TMEM255B: variants seen among roughly 807,000 people sequenced by gnomAD.
TMEM255B encodes the protein transmembrane protein 255B.
Under a neutral mutation model 34.5 loss-of-function variants are expected in TMEM255B, and 35 were observed. The observed-to-expected ratio is 1.01, with a 90% confidence interval of 0.77 to 1.34. The LOEUF is 1.34. Among genes scored for constraint, TMEM255B ranks in the 40% most tolerant of loss-of-function variants. The pLI, the probability that TMEM255B is intolerant of heterozygous loss-of-function variation, is 0.00. For synonymous variants in TMEM255B, 206 were observed against 201.2 expected, an observed-to-expected ratio of 1.02 and a Z score of -0.20; for missense variants, 432 against 433.2, an observed-to-expected ratio of 1.00 and a Z score of 0.02.
At chr13:113,790,310 A>G (rs368181702) in intron 3 of TMEM255B, among the ~76,000 whole-genome samples, 2 of 110,710 alleles carry the variant, frequency 1.8e-5, no homozygotes, top group Non-Finnish European at 2.0e-5. Flanking sequence ...GACTGGACAC[A>G]TGGACATCCT....
chr13:113,795,217 G>A lies in TMEM255B; in HGVS notation c.322G>A (p.Val108Ile), dbSNP rs200027220. ...CTTCTGCTGCGCCATCGTGGACGGCGTATTTGCAGCACAGCACATTGTGAG... is the reference window on the plus strand; with the variant it reads ...CTTCTGCTGCGCCATCGTGGACGGCATATTTGCAGCACAGCACATTGTGAG... The part of the protein sequence containing the change: ...AAFCCAIVDG[V>I]FAAQHIEPRP... Residue 108 changes from valine to isoleucine, a missense_variant, in exon 4 of 9, where the codon GTA becomes ATA. Transcript: ENST00000375353. 8.3e-5 allele frequency: 134 copies of A among 1,613,756 alleles called. No homozygotes were observed. In the East Asian group the frequency reaches 8.7e-4, roughly 10 times the overall value.
In TMEM255B at chr13:113,804,904, C is replaced by G. The variant is rs143843377; in HGVS notation, c.689C>G (p.Ala230Gly). 2.0e-3 allele frequency: 3,266 copies of G among 1,601,158 alleles called. 9 individuals are homozygous for G. The highest frequency in any genetic ancestry group is 2.5e-3 in the Non-Finnish European group (2,989 of 1,178,592). The change falls in exon 8 of 9, where the codon GCC (alanine) becomes GGC (glycine). Residue 230 changes from alanine (A) to glycine (G), a missense_variant. Coordinates refer to ENST00000375353, the MANE Select transcript of TMEM255B (RefSeq NM_182614.4). ...FKDMVPLSQLAYGPAVPPQTL... is the reference protein window; with the variant it reads ...FKDMVPLSQLGYGPAVPPQTL... ...TGGCAGGTGCCTCTGTCCCAGCTGGCCTATGGCCCAGCCGTCCCACCACAG... is the reference window on the plus strand; with the variant it reads ...TGGCAGGTGCCTCTGTCCCAGCTGGGCTATGGCCCAGCCGTCCCACCACAG...
chr13:113,777,505 G>A (rs2050598514), intron 3 of TMEM255B, among the ~76,000 whole-genome samples: 1 of 152,172 alleles, frequency 6.6e-6, no homozygotes, highest in South Asian at 2.1e-4. Flanking sequence ...GAGGGGAGGC[G>A]CGGTGGCCCC....
At chr13:113,807,098 G>A (rs886916101) in intron 8 of TMEM255B, among the ~76,000 whole-genome samples, 9 of 152,178 alleles carry the variant, frequency 5.9e-5, no homozygotes, top group African/African-American at 1.9e-4. Context: ...GCTGGGGCCC[G>A]GCTGTCTGAA....
intron 8 of TMEM255B, among the ~76,000 whole-genome samples, chr13:113,807,646 G>T (rs567425998): frequency 1.5e-5 from 2 of 136,386 alleles, no homozygotes; most frequent in African/African-American, 2.9e-5. Flanking sequence ...CCTGTCACAC[G>T]CAGGCTTACG....
chr13:113,804,156 A>T (rs1201106968), intron 7 of TMEM255B, among the ~76,000 whole-genome samples: 1 of 152,142 alleles, frequency 6.6e-6, no homozygotes, highest in Non-Finnish European at 1.5e-5. Context: ...AGCTTGTGTG[A>T]GCCATGGGCC....
chr13:113,804,456 A>C (rs1046328076), intron 7 of TMEM255B, among the ~76,000 whole-genome samples: 10 of 152,046 alleles, frequency 6.6e-5, no homozygotes, highest in East Asian at 1.9e-4. Flanking sequence ...CTCCCCCCCC[A>C]AAAAATCAAA....
Position 113,806,921 on chromosome 13 carries a change from C to T in TMEM255B, c.813+1893C>T, listed in dbSNP as rs963666757. Among the ~76,000 whole-genome samples, 6 of 152,182 alleles carry T rather than the reference C, an allele frequency of 3.9e-5. No homozygotes were observed. The highest frequency in any genetic ancestry group is 9.7e-5 in the African/African-American group (4 of 41,436). ...CTACACAGACACAGACTTGGAATCG[C>T]ATGGGTGCCAAGAACGTGCAGCCCA... On this transcript the variant is annotated intron_variant, in intron 8 of 8. Coordinates refer to ENST00000375353, the MANE Select transcript of TMEM255B (RefSeq NM_182614.4). The surrounding 1 kb of genome is among the most constrained non-coding windows in gnomAD (Gnocchi z 4.2).
intron 1 of TMEM255B, among the ~76,000 whole-genome samples, chr13:113,765,044 T>G (rs2050366579): frequency 6.6e-6 from 1 of 151,898 alleles, no homozygotes. Flanking sequence ...GCGAATGGAG[T>G]GATCTGGTCC....
At chr13:113,773,000 T>C (rs2050502198) in intron 3 of TMEM255B, among the ~76,000 whole-genome samples, 2 of 152,228 alleles carry the variant, frequency 1.3e-5, no homozygotes, top group South Asian at 4.1e-4. Context: ...AGTGTTACCA[T>C]CTTAATATTA....
intron 3 of TMEM255B, among the ~76,000 whole-genome samples, chr13:113,784,033 T>G (rs1264641759): frequency 6.6e-6 from 1 of 152,144 alleles, no homozygotes; most frequent in Non-Finnish European, 1.5e-5. Flanking sequence ...ATGCTGTTTT[T>G]GGGCCATTGG....
At chr13:113,768,970 G>T in intron 2 of TMEM255B, 128 bp from the exon 3 acceptor site, 4 of 985,084 alleles carry the variant, frequency 4.1e-6, no homozygotes, top group Non-Finnish European at 6.4e-6. Context: ...GGTTCTTGAG[G>T]TAGGGATGTC....
rs567568332 is a variant in TMEM255B, at chr13:113,770,868, A to G, written c.252+1708A>G. On this transcript the variant is annotated intron_variant, in intron 3 of 8. Transcript: ENST00000375353. This position sits in a 1 kb window ranked among gnomAD's most constrained non-coding sequence, Gnocchi z 4.6. ...GGGAGTTGGGTGGGCCTGAGGAGGG[A>G]AGGCCTCCTGAAGACTTTTCCATAA... 6.6e-6 allele frequency among the ~76,000 whole-genome samples: 1 copy of G among 152,130 alleles called. No individual in the cohort carries two copies. The highest frequency in any genetic ancestry group is 1.5e-5 in the Non-Finnish European group (1 of 67,996).
At chr13:113,761,214 G>T (rs1336313261) in intron 1 of TMEM255B, 66 of 985,238 alleles carry the variant, frequency 6.7e-5, no homozygotes, top group Non-Finnish European at 8.0e-5. Flanking sequence ...TGGCAGGAAG[G>T]CCGGATCTTA....
chr13:113,809,764 T>G (rs907504863), intron 8 of TMEM255B, among the ~76,000 whole-genome samples: 4 of 152,122 alleles, frequency 2.6e-5, no homozygotes, highest in Non-Finnish European at 5.9e-5. Flanking sequence ...CTGGGGTTTA[T>G]CTGTGGTCCT....
chr13:113,785,536 A>G (rs1168071582), intron 3 of TMEM255B, among the ~76,000 whole-genome samples: 1 of 152,248 alleles, frequency 6.6e-6, no homozygotes, highest in African/African-American at 2.4e-5. Flanking sequence ...CCACTGACAG[A>G]GAAATAGACC....
At chr13:113,773,722 C>T (rs766656004) in intron 3 of TMEM255B, among the ~76,000 whole-genome samples, 7 of 152,210 alleles carry the variant, frequency 4.6e-5, no homozygotes, top group South Asian at 4.1e-4. Flanking sequence ...CCTGGCTGTC[C>T]GTGAGTGCTG....
At chr13:113,774,611 C>T (rs1478563033) in intron 3 of TMEM255B, among the ~76,000 whole-genome samples, 1 of 143,018 alleles carries the variant, frequency 7.0e-6, no homozygotes, top group Non-Finnish European at 1.5e-5. Context: ...ACACACACCA[C>T]ACAATACACA....
Position 113,769,451 on chromosome 13 carries a change from T to G in TMEM255B, c.252+291T>G, listed in dbSNP as rs913828591. The G allele has an allele frequency of 5.4e-5, 21 of 391,084 alleles. No individual in the cohort carries two copies. Among genetic ancestry groups the G allele is most frequent in the Non-Finnish European group, 1.4e-5 (3 of 211,182 alleles). The allele number at this position is 391,084 out of a possible 1,614,324, so 24.2% of individuals were successfully genotyped here. A position where few individuals can be genotyped will look rare whatever the true frequency, so the allele number is the denominator to read the frequency against. On this transcript the variant is annotated intron_variant, in intron 3 of 8. Transcript: ENST00000375353. This position sits in a 1 kb window ranked among gnomAD's most constrained non-coding sequence, Gnocchi z 4.2. Reference sequence around the variant, plus strand: ...GGAAGCTCAGAGAATGCATGAAGTTTGGGACGGGGGTGGCAAATTAAATTA... The same window carrying G: ...GGAAGCTCAGAGAATGCATGAAGTTGGGGACGGGGGTGGCAAATTAAATTA...
Sources: gnomAD v4.1 joint callset for allele counts (sites outside exome capture counted in the v4.1 genomes callset) on GRCh38, gnomAD v4.1.1 for gene constraint, Gnocchi (gnomAD v3.1) non-coding constraint, MANE v1.5 for transcripts, NCBI Gene and HGNC (gene_info 2026-07-23, HGNC 2026-07-21) for gene names.